ELMO1: variants seen among roughly 807,000 people sequenced by gnomAD.
The protein encoded by ELMO1 is engulfment and cell motility protein 1.
ELMO1 carries 26 observed loss-of-function variants against 98.9 expected under a neutral mutation model. The ratio of observed to expected loss-of-function variants is 0.26; its 90% confidence interval spans 0.19 to 0.36. The LOEUF (loss-of-function observed/expected upper bound fraction) is 0.36. ELMO1 is among the 10% of genes least tolerant of loss of function. The pLI, the probability that ELMO1 is intolerant of heterozygous loss-of-function variation, is 1.00. For synonymous variants in ELMO1, 346 were observed against 346.0 expected (o/e 1.00, Z 0.00); for missense variants, 627 against 935.2 (o/e 0.67, Z 4.30).
intron 6 of ELMO1, among the ~76,000 whole-genome samples, chr7:37,253,728 A>G (rs1795485680): frequency 6.6e-6 from 1 of 151,898 alleles, no homozygotes; most frequent in South Asian, 2.1e-4. Flanking sequence ...AGTAAAAAAA[A>G]AAAAAAAACA....
At chr7:36,993,287 T>A (rs958674479) in intron 16 of ELMO1, among the ~76,000 whole-genome samples, 1 of 152,192 alleles carries the variant, frequency 6.6e-6, no homozygotes, top group Non-Finnish European at 1.5e-5. Flanking sequence ...TTAAACCCAG[T>A]TGTTTTAACT....
At chr7:37,012,892 G>A (rs758767645) in intron 16 of ELMO1, among the ~76,000 whole-genome samples, 2 of 152,202 alleles carry the variant, frequency 1.3e-5, no homozygotes, top group Non-Finnish European at 2.9e-5. Flanking sequence ...AGGTGGAGCA[G>A]TATTCCTGAT....
chr7:36,915,125 T>C (rs1244959028), intron 16 of ELMO1, among the ~76,000 whole-genome samples: 6 of 152,024 alleles, frequency 3.9e-5, no homozygotes, highest in Non-Finnish European at 8.8e-5. Context: ...GGGGGTCTTG[T>C]TATGTTGCCC....
chr7:37,394,325 C>T (rs1803201808), intron 1 of ELMO1, among the ~76,000 whole-genome samples: 1 of 152,126 alleles, frequency 6.6e-6, no homozygotes, highest in Non-Finnish European at 1.5e-5. Context: ...GTAAATAAGA[C>T]CTCAGTCAGA....
At chr7:37,244,258 A>C in intron 7 of ELMO1, 98 bp downstream of exon 7, 1 of 1,192,972 alleles carries the variant, frequency 8.4e-7, no homozygotes, top group Non-Finnish European at 1.2e-6. Context: ...TCAAAATACT[A>C]GATGCATAGT....
intron 15 of ELMO1, among the ~76,000 whole-genome samples, chr7:37,092,225 T>C (rs1422851232): frequency 6.6e-6 from 1 of 151,994 alleles, no homozygotes; most frequent in Non-Finnish European, 1.5e-5. Context: ...TTAACCAATA[T>C]ATAGAAGATA....
intron 13 of ELMO1, among the ~76,000 whole-genome samples, chr7:37,175,824 G>T (rs752483568): frequency 1.3e-4 from 20 of 152,174 alleles, no homozygotes; most frequent in African/African-American, 1.4e-4. Flanking sequence ...TCCAGCCTGG[G>T]CGACAGAGTG....
intron 16 of ELMO1, among the ~76,000 whole-genome samples, chr7:36,929,201 A>G (rs916352267): frequency 2.6e-5 from 4 of 152,150 alleles, no homozygotes; most frequent in Non-Finnish European, 4.4e-5. Flanking sequence ...TGCCAGGCTT[A>G]CTTCCTGATG....
At chr7:37,268,340 C>T (rs546364217) in intron 5 of ELMO1, among the ~76,000 whole-genome samples, 19 of 152,280 alleles carry the variant, frequency 1.2e-4, no homozygotes, top group Admixed American at 9.8e-4. Flanking sequence ...CTCGCTCTGT[C>T]GCCCAGGCTG....
chr7:37,307,652 T>A (rs1031496736), intron 4 of ELMO1, among the ~76,000 whole-genome samples: 2 of 152,228 alleles, frequency 1.3e-5, no homozygotes. Context: ...AATGAGCTGT[T>A]TTATTCAACT....
In ELMO1 at chr7:37,374,446, T is replaced by A. The variant is rs115034826; in HGVS notation, c.-73-31683A>T. Among the ~76,000 whole-genome samples the A allele has an allele frequency of 2.1e-3, 322 of 152,310 alleles. 4 individuals carry two copies. The highest frequency in any genetic ancestry group is 7.4e-3 in the African/African-American group (307 of 41,570). Reference sequence around the variant, plus strand: ...TTGCCAGATAAAAAAGAACATTAGTTAGTCGTTTAAAAAAATCCCTTGGCA... The same window carrying A: ...TTGCCAGATAAAAAAGAACATTAGTAAGTCGTTTAAAAAAATCCCTTGGCA... On this transcript the variant is annotated intron_variant, in intron 1 of 21. Coordinates refer to ENST00000310758, the MANE Select transcript of ELMO1 (RefSeq NM_014800.11).
intron 16 of ELMO1, among the ~76,000 whole-genome samples, chr7:36,908,798 GGTA>G (rs1249471060): frequency 3.9e-5 from 6 of 152,112 alleles, no homozygotes; most frequent in Non-Finnish European, 8.8e-5. Context: ...CACCTAATTA[GGTA>G]CAGTATCAAG....
chr7:37,152,116 C>G (rs1788406234), intron 13 of ELMO1, among the ~76,000 whole-genome samples: 1 of 152,146 alleles, frequency 6.6e-6, no homozygotes, highest in Non-Finnish European at 1.5e-5. Flanking sequence ...TAGATGGAGT[C>G]AAAAACTACT....
intron 1 of ELMO1, among the ~76,000 whole-genome samples, chr7:37,405,421 G>A (rs1029867564): frequency 6.6e-5 from 10 of 152,062 alleles, no homozygotes; most frequent in South Asian, 2.1e-4. Context: ...TCCAAATCAC[G>A]GAGAAACACA....
At chr7:36,858,181 A>G (rs188766561) in intron 21 of ELMO1, among the ~76,000 whole-genome samples, 63 of 152,358 alleles carry the variant, frequency 4.1e-4, no homozygotes, top group African/African-American at 1.5e-3. Flanking sequence ...GTATAACTTT[A>G]GGATAACCAA....
In ELMO1 at chr7:37,320,821, C is replaced by T. The variant is rs1401503141; in HGVS notation, c.79-4861G>A. ...CATTCACGAACTTTCCTTTAAAAAA[C>T]AACAACAACAAAAAAAGCCAACTAT... On this transcript the variant is annotated intron_variant, in intron 2 of 21. Coordinates refer to ENST00000310758, the MANE Select transcript of ELMO1 (RefSeq NM_014800.11). Among the ~76,000 whole-genome samples the T allele has an allele frequency of 2.6e-5, 4 of 151,930 alleles. No individual in the cohort carries two copies. The South Asian group carries it at 6.2e-4, about 24-fold the overall frequency.
intron 18 of ELMO1, among the ~76,000 whole-genome samples, chr7:36,882,457 AG>A (rs1156305933): frequency 6.6e-6 from 1 of 152,250 alleles, no homozygotes; most frequent in Non-Finnish European, 1.5e-5. Context: ...ACAGAGACGA[AG>A]GGCATCAAAT....
chr7:36,952,081 G>T (rs1460257108), intron 16 of ELMO1, among the ~76,000 whole-genome samples: 1 of 152,172 alleles, frequency 6.6e-6, no homozygotes, highest in Non-Finnish European at 1.5e-5. Context: ...CAGACGGAGG[G>T]GGCATGACTG....
At chr7:37,333,787 T>C (rs1800253749) in intron 2 of ELMO1, among the ~76,000 whole-genome samples, 1 of 152,210 alleles carries the variant, frequency 6.6e-6, no homozygotes, top group Admixed American at 6.5e-5. Context: ...ATTTCACCTA[T>C]TATGACGGTA....
Sources: allele counts gnomAD v4.1 joint callset (sites outside exome capture counted in the v4.1 genomes callset), GRCh38; gene constraint gnomAD v4.1.1; transcripts MANE v1.5; gene names NCBI Gene and HGNC (gene_info 2026-07-23, HGNC 2026-07-21).